Variants in NIN observed in about 807,000 individuals in gnomAD.
NIN encodes the protein glycogen synthase kinase 3 beta-interacting protein.
In NIN, 137 loss-of-function variants were observed where a neutral mutation model predicts 257.6. That is an observed-to-expected ratio of 0.53 (90% CI 0.46 to 0.61). NIN has a LOEUF of 0.61. NIN is among the 20% of genes least tolerant of loss of function. NIN has a pLI of 0.00. For missense variants in NIN, 2,439 were observed against 2,501.2 expected (o/e 0.98, Z 0.53); for synonymous variants, 918 against 919.8 (o/e 1.00, Z 0.04).
intron 3 of NIN, among the ~76,000 whole-genome samples, chr14:50,812,557 T>A (rs181530834): frequency 8.5e-5 from 13 of 152,206 alleles, no homozygotes; most frequent in African/African-American, 1.9e-4. Context: ...AAGGGTGGAA[T>A]GGGGAAAAAG....
chr14:50,819,657 TA>T (rs936810617), intron 3 of NIN, among the ~76,000 whole-genome samples: 1 of 152,208 alleles, frequency 6.6e-6, no homozygotes, highest in African/African-American at 2.4e-5. Flanking sequence ...AACGGACTAA[TA>T]CAGATCCCAT....
rs146441468 is a variant in NIN at position 50,792,745 on chromosome 14, C to T, written c.402G>A (p.Arg134=). The T allele has an allele frequency of 2.9e-4, 469 of 1,614,168 alleles. No individual in the cohort carries two copies. The highest frequency in any genetic ancestry group is 3.8e-4 in the Non-Finnish European group (444 of 1,180,044). The stretch of plus-strand genomic sequence containing the variant: ...AGTCACCGGCTGGGATGTGTGAAGG[C>T]CGCGCTTCTTCATCCAGTGGCTCAA... ...TVIEPLDEEA[R]PSHIPAGDCS... Residue 134 remains arginine, a synonymous_variant, in exon 5 of 31, where the codon CGG becomes CGA. Coordinates refer to ENST00000530997, the MANE Select transcript of NIN (RefSeq NM_020921.4).
chr14:50,807,764 T>C (rs2044395364), intron 3 of NIN, among the ~76,000 whole-genome samples: 1 of 152,182 alleles, frequency 6.6e-6, no homozygotes, highest in Non-Finnish European at 1.5e-5. Flanking sequence ...CATTAGTTAT[T>C]GAAACAGTGG....
chr14:50,748,157 G>A, intron 21 of NIN, 52 bp from the exon 22 acceptor site: 3 of 1,227,926 alleles, frequency 2.4e-6, no homozygotes, highest in Non-Finnish European at 3.6e-6. Context: ...TTAGGCTGGG[G>A]AAACTTACCA....
intron 2 of NIN, chr14:50,823,292 T>C: frequency 1.7e-6 from 1 of 571,704 alleles, no homozygotes; most frequent in South Asian, 1.4e-5. Flanking sequence ...CTTGGGACGG[T>C]GACCTCAGCC....
At chr14:50,746,034 T>C (rs1274176532) in intron 22 of NIN, among the ~76,000 whole-genome samples, 1 of 135,424 alleles carries the variant, frequency 7.4e-6, no homozygotes, top group African/African-American at 2.8e-5. Context: ...AATGCTTGTT[T>C]AAAAAAAAAA....
intron 29 of NIN, among the ~76,000 whole-genome samples, chr14:50,728,810 G>T (rs1177390912): frequency 6.6e-6 from 1 of 152,216 alleles, no homozygotes; most frequent in African/African-American, 2.4e-5. Context: ...ATTGGATGTG[G>T]TGGTGAGCTG....
chr14:50,824,813 C>T (rs1329240381), intron 2 of NIN, among the ~76,000 whole-genome samples: 1 of 152,178 alleles, frequency 6.6e-6, no homozygotes, highest in Non-Finnish European at 1.5e-5. Context: ...TCTCATCCAC[C>T]TACACACCTC....
At chr14:50,730,688 T>A (rs1394650544) in intron 28 of NIN, among the ~76,000 whole-genome samples, 1 of 152,222 alleles carries the variant, frequency 6.6e-6, no homozygotes, top group Non-Finnish European at 1.5e-5. Context: ...TGATAAAAAT[T>A]ATGGAGAATT....
intron 28 of NIN, chr14:50,731,106 A>G: frequency 3.1e-6 from 1 of 322,674 alleles, no homozygotes; most frequent in Admixed American, 4.5e-5. Context: ...CATGAATAAG[A>G]GCATATGAAA....
chr14:50,828,807 C>G (rs2045575217), intron 2 of NIN, among the ~76,000 whole-genome samples: 1 of 152,184 alleles, frequency 6.6e-6, no homozygotes, highest in Non-Finnish European at 1.5e-5. Flanking sequence ...ATTGGCTGTT[C>G]AGAATTCACT....
In NIN at chr14:50,777,029, T is replaced by C. The variant is rs754057086; in HGVS notation, c.586A>G (p.Ile196Val). 2 of 1,614,234 alleles carry C rather than the reference T, an allele frequency of 1.2e-6. No homozygotes were observed. ...CGGTTCAGGTGACCATCACGGGTGA[T>C]CCCCAAATCTTCACAAACTTCTTGC... ...KLQEVCEDLG[I>V]TRDGHLNRKK... is the part of the protein sequence containing the mutation. The change falls in exon 7 of 31, where the codon ATC becomes GTC. Residue 196 changes from isoleucine to valine, a missense_variant. By Grantham distance (29) the Ile-to-Val change is conservative. Coordinates refer to ENST00000530997, the MANE Select transcript of NIN (RefSeq NM_020921.4).
chr14:50,741,785 G>C (rs2041297138), intron 24 of NIN, 57 bp from the exon 25 acceptor site: 8 of 1,567,270 alleles, frequency 5.1e-6, no homozygotes, highest in Non-Finnish European at 6.9e-6. Flanking sequence ...CTCACCTCTA[G>C]CATGTTCAGG....
chr14:50,770,244 C>G, intron 12 of NIN, 144 bp downstream of exon 12: 1 of 753,872 alleles, frequency 1.3e-6, no homozygotes, highest in Non-Finnish European at 2.1e-6. Context: ...CAGGGCCCTG[C>G]CAAGTCTGGG....
Position 50,722,108 on chromosome 14 carries a change from A to G in NIN, c.*1355T>C, listed in dbSNP as rs1595681571. On this transcript the variant is annotated 3_prime_UTR_variant, in exon 31 of 31. Transcript: ENST00000530997. ...TGAACTTGGAAAGTGCCCTGCACCT[A>G]GTAAGTCTTCCACCAACTGCTGGCG... The G allele has an allele frequency of 4.4e-6, 1 of 227,092 alleles. No individual in the cohort carries two copies. Among genetic ancestry groups the G allele is most frequent in the Non-Finnish European group, 8.7e-6 (1 of 114,806 alleles). 14.1% of individuals were successfully genotyped at this position (227,092 alleles called of 1,614,324 possible). A position where few individuals can be genotyped will look rare whatever the true frequency, so the allele number is the denominator to read the frequency against.
intron 28 of NIN, among the ~76,000 whole-genome samples, chr14:50,731,645 C>A (rs922578824): frequency 6.6e-6 from 1 of 151,730 alleles, no homozygotes; most frequent in Non-Finnish European, 1.5e-5. Context: ...ACCATCCTGG[C>A]AACGTGGTGA....
intron 27 of NIN, among the ~76,000 whole-genome samples, chr14:50,736,997 C>G (rs185465126): frequency 6.6e-6 from 1 of 152,074 alleles, no homozygotes; most frequent in Non-Finnish European, 1.5e-5. Context: ...GAGGTGTGAC[C>G]AGGGGGTAGC....
intron 12 of NIN, among the ~76,000 whole-genome samples, chr14:50,769,259 A>G (rs1056482362): frequency 7.9e-5 from 12 of 152,214 alleles, no homozygotes; most frequent in African/African-American, 2.9e-4. Flanking sequence ...GAACCTGATC[A>G]AAGTTTTCAG....
At position 50,757,445 on chromosome 14, in the gene NIN, C is replaced by T. The variant is rs766136004; in HGVS notation, c.3585G>A (p.Glu1195=). 6.2e-7 allele frequency: 1 copy of T among 1,614,154 alleles called. No homozygotes were observed. The highest frequency in any genetic ancestry group is 1.7e-5 in the Admixed American group (1 of 60,014). The stretch of plus-strand genomic sequence containing the variant: ...GAAGCTGACTAATCTGATTCTTCAG[C>T]TCCCAGGATTCAGTCCTGGTCTCTT... ...NSEETRTESW[E]LKNQISQLQE... is the part of the protein sequence containing the mutation. Residue 1195 remains glutamate, a synonymous_variant, in exon 18 of 31, where the codon GAG becomes GAA. Transcript: ENST00000530997.
Sources: allele counts gnomAD v4.1 joint callset (sites outside exome capture counted in the v4.1 genomes callset), GRCh38; gene constraint gnomAD v4.1.1; transcripts MANE v1.5; gene names NCBI Gene and HGNC (gene_info 2026-07-23, HGNC 2026-07-21).